The following BMAL1 variants were observed in gnomAD, a reference collection of about 807,000 sequenced individuals.
The protein encoded by BMAL1 is basic helix-loop-helix ARNT like 1, also known as basic helix-loop-helix ARNT-like protein 1.
the BMAL1 span, among the ~76,000 whole-genome samples, chr11:13,324,791 A>C: frequency 1.3e-5 from 2 of 152,230 alleles, no homozygotes; most frequent in Admixed American, 6.5e-5. Context: ...TGACTGAGTT[A>C]ATGCATGCCT....
the BMAL1 span, among the ~76,000 whole-genome samples, chr11:13,278,148 C>G: frequency 1.3e-5 from 2 of 152,208 alleles, no homozygotes; most frequent in Non-Finnish European, 2.9e-5. Flanking sequence ...CCGCGCCCGT[C>G]CGCCCCCATC....
the BMAL1 span, among the ~76,000 whole-genome samples, chr11:13,373,040 G>A: frequency 6.2e-3 from 942 of 152,280 alleles, 63 homozygotes; most frequent in East Asian, 0.15. Flanking sequence ...CTAGGACTTG[G>A]AAGCAATTAT....
chr11:13,335,029 C>T, the BMAL1 span, among the ~76,000 whole-genome samples: 3 of 152,168 alleles, frequency 2.0e-5, no homozygotes, highest in Non-Finnish European at 4.4e-5. Context: ...GAGGGACCCT[C>T]GGGCATCGAC....
chr11:13,342,777 G>A, the BMAL1 span, among the ~76,000 whole-genome samples: 1 of 152,194 alleles, frequency 6.6e-6, no homozygotes, highest in Admixed American at 6.5e-5. Context: ...TTGCATGGAG[G>A]CTGTGCTGTA....
the BMAL1 span, among the ~76,000 whole-genome samples, chr11:13,291,304 T>C: frequency 2.0e-5 from 3 of 152,214 alleles, no homozygotes; most frequent in Admixed American, 2.0e-4. Context: ...TGCAACTACA[T>C]ATAGTTGCAA....
At chr11:13,336,193 C>T in the BMAL1 span, among the ~76,000 whole-genome samples, 8 of 152,190 alleles carry the variant, frequency 5.3e-5, no homozygotes, top group African/African-American at 1.9e-4. Context: ...GATGTTTCCC[C>T]TGTCCCTTTT....
chr11:13,313,104 A>G, the BMAL1 span, among the ~76,000 whole-genome samples: 496 of 152,286 alleles, frequency 3.3e-3, 3 homozygotes, highest in African/African-American at 0.011. Flanking sequence ...TAATTGTTTT[A>G]CTTGGCTGCC....
chr11:13,293,012 A>G, the BMAL1 span, among the ~76,000 whole-genome samples: 1 of 152,196 alleles, frequency 6.6e-6, no homozygotes, highest in Non-Finnish European at 1.5e-5. Flanking sequence ...AGGGGACTGA[A>G]TGAGGAAAGC....
At chr11:13,367,306 C>T in the BMAL1 span, among the ~76,000 whole-genome samples, 1 of 152,198 alleles carries the variant, frequency 6.6e-6, no homozygotes, top group Admixed American at 6.5e-5. Flanking sequence ...CCTCTGCCCC[C>T]AGCTTCCTGC....
the BMAL1 span, among the ~76,000 whole-genome samples, chr11:13,350,265 C>T: frequency 8.5e-5 from 13 of 152,288 alleles, no homozygotes; most frequent in East Asian, 1.3e-3. Flanking sequence ...GCTGCATGGC[C>T]CAAGGGGGCC....
chr11:13,369,313 T>A, the BMAL1 span, among the ~76,000 whole-genome samples: 2 of 152,018 alleles, frequency 1.3e-5, no homozygotes, highest in Non-Finnish European at 2.9e-5. Flanking sequence ...TTGGTGCACC[T>A]CCATTTGCCC....
At chr11:13,306,817 G>A in the BMAL1 span, among the ~76,000 whole-genome samples, 1 of 152,266 alleles carries the variant, frequency 6.6e-6, no homozygotes, top group Non-Finnish European at 1.5e-5. Context: ...GTTCTGGAAT[G>A]CGAGTTGATG....
chr11:13,335,311 C>A, the BMAL1 span, among the ~76,000 whole-genome samples: 1 of 152,190 alleles, frequency 6.6e-6, no homozygotes, highest in Non-Finnish European at 1.5e-5. Context: ...GCTGTCTATT[C>A]CTTCTCTTAT....
chr11:13,372,085 T>A, the BMAL1 span: 1 of 1,575,138 alleles, frequency 6.3e-7, no homozygotes, highest in Non-Finnish European at 8.6e-7. Context: ...CCTACCTACA[T>A]CCCATCCCAC....
the BMAL1 span, among the ~76,000 whole-genome samples, chr11:13,384,028 TAA>T: frequency 6.6e-6 from 1 of 152,238 alleles, no homozygotes; most frequent in African/African-American, 2.4e-5. Flanking sequence ...CTTGTGTGAT[TAA>T]GTTGTGAGTT....
chr11:13,295,886 T>A, the BMAL1 span, among the ~76,000 whole-genome samples: 2 of 152,206 alleles, frequency 1.3e-5, no homozygotes, highest in Non-Finnish European at 2.9e-5. Context: ...TAACTCCTCC[T>A]TGCCTCCCTC....
the BMAL1 span, among the ~76,000 whole-genome samples, chr11:13,384,389 T>C: frequency 6.6e-6 from 1 of 152,158 alleles, no homozygotes. Flanking sequence ...AACTAAACAA[T>C]GCAAGGTATT....
At chr11:13,336,446 G>A in the BMAL1 span, among the ~76,000 whole-genome samples, 1 of 152,130 alleles carries the variant, frequency 6.6e-6, no homozygotes, top group Non-Finnish European at 1.5e-5. Flanking sequence ...GGAGCTGTGG[G>A]CAGGTCCAAG....
chr11:13,344,768 G>C, the BMAL1 span, among the ~76,000 whole-genome samples: 2 of 152,184 alleles, frequency 1.3e-5, no homozygotes, highest in Non-Finnish European at 2.9e-5. Context: ...ACCACCCTCT[G>C]AACAGATCAG....
Sources: allele counts gnomAD v4.1 joint callset (sites outside exome capture counted in the v4.1 genomes callset), GRCh38; gene constraint gnomAD v4.1.1; transcripts MANE v1.5; gene names NCBI Gene and HGNC (gene_info 2026-07-23, HGNC 2026-07-21).